The following KIF26B variants were observed in gnomAD, a reference collection of about 807,000 sequenced individuals.
The protein encoded by KIF26B is kinesin-like protein KIF26B.
Under a neutral mutation model 151.2 loss-of-function variants are expected in KIF26B, and 63 were observed. That is an observed-to-expected ratio of 0.42 (90% CI 0.34 to 0.51). The LOEUF (loss-of-function observed/expected upper bound fraction) is 0.51. Among genes scored for constraint, KIF26B ranks in the 20% least tolerant of loss-of-function variants. The probability of loss-of-function intolerance (pLI) is 0.07; values close to 1 mark genes in which losing one functional copy is unlikely to be tolerated. For synonymous variants in KIF26B, 1,357 were observed against 1,262.1 expected, an observed-to-expected ratio of 1.08 and a Z score of -1.59; for missense variants, 2,813 against 2,913.6, an observed-to-expected ratio of 0.97 and a Z score of 0.79.
chr1:245,391,527 C>T (rs999598037), intron 3 of KIF26B, among the ~76,000 whole-genome samples: 6 of 151,970 alleles, frequency 3.9e-5, no homozygotes, highest in African/African-American at 9.7e-5. Flanking sequence ...GATGGTGGCT[C>T]ACACCTGTAA....
At position 245,698,451 on chromosome 1, in the gene KIF26B, C is replaced by T; in HGVS notation, c.6027+143C>T. On this transcript the variant is annotated intron_variant, in intron 13 of 14. Coordinates refer to ENST00000407071, the MANE Select transcript of KIF26B (RefSeq NM_018012.4). This position sits in a 1 kb window ranked among gnomAD's most constrained non-coding sequence, Gnocchi z 4.0. ...TCTGGCATGGGTGGTGGGAAGGGGG[C>T]TTCTGTCCCAGCAAAGGGCCTTTGG... The T allele has an allele frequency of 1.4e-6, 1 of 713,756 alleles. No individual in the cohort carries two copies. The highest frequency in any genetic ancestry group is 2.3e-6 in the Non-Finnish European group (1 of 435,840). 44.2% of individuals were successfully genotyped at this position (713,756 alleles called of 1,614,324 possible). A position where few individuals can be genotyped will look rare whatever the true frequency, so the allele number is the denominator to read the frequency against.
intron 10 of KIF26B, among the ~76,000 whole-genome samples, chr1:245,671,927 C>T (rs768800942): frequency 3.9e-5 from 6 of 152,212 alleles, no homozygotes; most frequent in South Asian, 2.1e-4. Flanking sequence ...CCCGAGCCTG[C>T]AGAGCGGGCA....
At chr1:245,162,305 C>G (rs568826346) in intron 2 of KIF26B, among the ~76,000 whole-genome samples, 1 of 150,550 alleles carries the variant, frequency 6.6e-6, no homozygotes, top group African/African-American at 2.4e-5. Context: ...GTTATTGTGG[C>G]GAAGGAGCAC....
At chr1:245,510,344 G>C (rs895463345) in intron 4 of KIF26B, among the ~76,000 whole-genome samples, 3 of 152,216 alleles carry the variant, frequency 2.0e-5, no homozygotes, top group Admixed American at 2.0e-4. Flanking sequence ...ATCTGCATCT[G>C]TTTGTCTACA....
intron 2 of KIF26B, among the ~76,000 whole-genome samples, chr1:245,240,781 G>A (rs1230644556): frequency 1.3e-5 from 2 of 152,198 alleles, no homozygotes; most frequent in African/African-American, 4.8e-5. Context: ...GGAGGGAGCT[G>A]GAAGGCTACA....
Position 245,218,522 on chromosome 1 carries a change from A to G in KIF26B, c.465+61839A>G, listed in dbSNP as rs540689713. Among the ~76,000 whole-genome samples, 4 of 152,240 alleles carry G rather than the reference A, an allele frequency of 2.6e-5. No individual in the cohort carries two copies. Among genetic ancestry groups the G allele is most frequent in the Admixed American group, 6.5e-5 (1 of 15,290 alleles). ...GTGTGGGGCCGATGGTTTTCACTCA[A>G]TCCGCCGGGAGATCTGAATATCAAC... On this transcript the variant is annotated intron_variant, in intron 2 of 14. Coordinates refer to ENST00000407071, the MANE Select transcript of KIF26B (RefSeq NM_018012.4). The surrounding 1 kb of genome is among the most constrained non-coding windows in gnomAD (Gnocchi z 4.1).
At chr1:245,385,538 T>C (rs1673522693) in intron 3 of KIF26B, among the ~76,000 whole-genome samples, 1 of 152,138 alleles carries the variant, frequency 6.6e-6, no homozygotes, top group Non-Finnish European at 1.5e-5. Context: ...TTGTTATCAC[T>C]GGGAGGGCAG....
In KIF26B at chr1:245,295,800, G is replaced by A. The variant is rs1475439650; in HGVS notation, c.466-71034G>A. On this transcript the variant is annotated intron_variant, in intron 2 of 14. Coordinates refer to ENST00000407071, the MANE Select transcript of KIF26B (RefSeq NM_018012.4). Reference sequence around the variant, plus strand: ...AATTCTTCCAACTAGTTCTGAGCACGCTGGATTTGCCTGAGAAACTCTTTG... The same window carrying A: ...AATTCTTCCAACTAGTTCTGAGCACACTGGATTTGCCTGAGAAACTCTTTG... 2.6e-5 allele frequency among the ~76,000 whole-genome samples: 4 copies of A among 152,128 alleles called. No individual in the cohort carries two copies. In the East Asian group the frequency reaches 5.8e-4, roughly 22 times the overall value.
At chr1:245,401,204 T>A (rs1345823962) in intron 3 of KIF26B, among the ~76,000 whole-genome samples, 1 of 152,186 alleles carries the variant, frequency 6.6e-6, no homozygotes, top group African/African-American at 2.4e-5. Context: ...AATATAGAGT[T>A]TTGAAGGGGC....
intron 14 of KIF26B, 23 bp downstream of exon 14, chr1:245,699,060 C>T: frequency 5.6e-6 from 9 of 1,608,038 alleles, no homozygotes; most frequent in Non-Finnish European, 7.7e-6. Flanking sequence ...TGCCTTCCCA[C>T]CCTTGTGACT....
chr1:245,454,499 C>T (rs1018041616), intron 4 of KIF26B, among the ~76,000 whole-genome samples: 1 of 152,150 alleles, frequency 6.6e-6, no homozygotes, highest in African/African-American at 2.4e-5. Context: ...GTTTTCTTCC[C>T]TTTGTCTCCC....
chr1:245,520,824 A>T (rs1179661547), intron 4 of KIF26B, among the ~76,000 whole-genome samples: 1 of 152,166 alleles, frequency 6.6e-6, no homozygotes, highest in Admixed American at 6.6e-5. Flanking sequence ...CCCGGACCAC[A>T]TGCCTTTCCC....
chr1:245,340,108 G>A (rs745412507), intron 2 of KIF26B, among the ~76,000 whole-genome samples: 12 of 152,226 alleles, frequency 7.9e-5, no homozygotes, highest in Non-Finnish European at 1.3e-4. Flanking sequence ...TGTTCCAGCT[G>A]AGCTAGAGTC....
At chr1:245,547,468 C>A (rs971507695) in intron 5 of KIF26B, among the ~76,000 whole-genome samples, 5 of 151,822 alleles carry the variant, frequency 3.3e-5, no homozygotes, top group African/African-American at 1.2e-4. Flanking sequence ...CACCTGTAAT[C>A]CCAGCTACTC....
At chr1:245,271,652 A>T (rs1424122929) in intron 2 of KIF26B, among the ~76,000 whole-genome samples, 1 of 150,208 alleles carries the variant, frequency 6.7e-6, no homozygotes, top group Non-Finnish European at 1.5e-5. Flanking sequence ...AATGTGATGT[A>T]CCACATTGAT....
intron 2 of KIF26B, among the ~76,000 whole-genome samples, chr1:245,288,658 C>CATTT (rs1671206266): frequency 6.6e-6 from 1 of 152,128 alleles, no homozygotes; most frequent in South Asian, 2.1e-4. Flanking sequence ...TGGCTTAAGT[C>CATTT]TAAATGAGTT....
At chr1:245,243,559 AC>A (rs1342286879) in intron 2 of KIF26B, among the ~76,000 whole-genome samples, 2 of 152,026 alleles carry the variant, frequency 1.3e-5, no homozygotes, top group African/African-American at 4.8e-5. Flanking sequence ...TGGTCTTTTC[AC>A]AGTGTTTAAA....
At chr1:245,565,284 G>T (rs1045993481) in intron 5 of KIF26B, among the ~76,000 whole-genome samples, 7 of 143,070 alleles carry the variant, frequency 4.9e-5, no homozygotes, top group African/African-American at 1.8e-4. Flanking sequence ...GTTTTTTTTG[G>T]GTTTTTTTGT....
intron 4 of KIF26B, among the ~76,000 whole-genome samples, chr1:245,528,141 G>T (rs1661281625): frequency 1.3e-5 from 2 of 152,206 alleles, no homozygotes; most frequent in Non-Finnish European, 1.5e-5. Flanking sequence ...CCACACTGGC[G>T]CCGAGGCTTG....
Sources: gnomAD v4.1 joint callset for allele counts (sites outside exome capture counted in the v4.1 genomes callset) on GRCh38, gnomAD v4.1.1 for gene constraint, Gnocchi (gnomAD v3.1) non-coding constraint, MANE v1.5 for transcripts, NCBI Gene and HGNC (gene_info 2026-07-23, HGNC 2026-07-21) for gene names.